The following LONRF2 variants were observed in gnomAD, a reference collection of about 807,000 sequenced individuals.
LONRF2 encodes the protein LON peptidase N-terminal domain and ring finger 2.
LONRF2 carries 35 observed loss-of-function variants against 66.6 expected under a neutral mutation model. That is an observed-to-expected ratio of 0.53 (90% CI 0.40 to 0.70). The LOEUF (loss-of-function observed/expected upper bound fraction) is 0.70, where lower values mean the gene tolerates loss of function less well. LONRF2 is among the 30% of genes least tolerant of loss of function. LONRF2 has a pLI of 0.00. For synonymous variants in LONRF2, 417 were observed against 418.1 expected (o/e 1.00, Z 0.03); for missense variants, 902 against 1,002.1 (o/e 0.90, Z 1.35).
chr2:100,316,614 C>T (rs1021069014), intron 1 of LONRF2, among the ~76,000 whole-genome samples: 1 of 151,712 alleles, frequency 6.6e-6, no homozygotes, highest in African/African-American at 2.4e-5. Flanking sequence ...GCAAACACAA[C>T]CACAGGCCAA....
chr2:100,316,751 G>A, intron 1 of LONRF2, among the ~76,000 whole-genome samples: 1 of 152,076 alleles, frequency 6.6e-6, no homozygotes. Flanking sequence ...TACTTATTTT[G>A]CAATCCTTAC....
rs755346639 is a variant in LONRF2 at position 100,284,289 on chromosome 2, A to G, written c.*9T>C. ...CAAGGGCTGCCAGAAACCTTGACAG[A>G]GAGAAAAATCAATTATTTCTCTCCC... On this transcript the variant is annotated 3_prime_UTR_variant, in exon 12 of 12. Coordinates refer to ENST00000393437, the MANE Select transcript of LONRF2 (RefSeq NM_198461.4). The G allele has an allele frequency of 1.8e-5, 27 of 1,503,974 alleles. No homozygotes were observed. The Admixed American group carries it at 5.2e-4, about 29-fold the overall frequency. 93.2% of individuals were successfully genotyped at this position (1,503,974 alleles called of 1,614,324 possible). A position where few individuals can be genotyped will look rare whatever the true frequency, so the allele number is the denominator to read the frequency against.
intron 8 of LONRF2, 65 bp downstream of exon 8, chr2:100,295,367 T>G: frequency 6.7e-7 from 1 of 1,503,402 alleles, no homozygotes. Context: ...AAATCTGAGG[T>G]GAAGCTGAAG....
intron 1 of LONRF2, among the ~76,000 whole-genome samples, chr2:100,317,348 G>A (rs945604351): frequency 6.6e-6 from 1 of 151,790 alleles, no homozygotes; most frequent in Non-Finnish European, 1.5e-5. Flanking sequence ...ATGCAAACCT[G>A]ATTTAGCAGT....
chr2:100,294,064 G>C (rs1675014062), intron 9 of LONRF2, among the ~76,000 whole-genome samples, 165 bp downstream of exon 9: 1 of 152,202 alleles, frequency 6.6e-6, no homozygotes, highest in Non-Finnish European at 1.5e-5. Context: ...AGTGAGGCTA[G>C]AAAGAAGGGA....
rs370419134 is a variant in LONRF2, at chr2:100,280,790, A to T, written c.*3508T>A. ...AGTGAGACCCCATCTCAAAAAAAAT[A>T]AAAATGGGGATACAGGGACCTCCCT... On this transcript the variant is annotated 3_prime_UTR_variant, in exon 12 of 12. Transcript: ENST00000393437. 4.5e-4 allele frequency: 69 copies of T among 152,252 alleles called. No individual in the cohort carries two copies. The highest frequency in any genetic ancestry group is 1.6e-3 in the African/African-American group (65 of 41,546). The allele number at this position is 152,252 out of a possible 1,614,324, so 9.4% of individuals were successfully genotyped here.
At chr2:100,294,111 T>C in intron 9 of LONRF2, 118 bp downstream of exon 9, 2 of 1,191,980 alleles carry the variant, frequency 1.7e-6, no homozygotes, top group Non-Finnish European at 2.4e-6. Context: ...ACTTGGACTT[T>C]GTTACGTAAC....
Position 100,279,847 on chromosome 2 carries a change from C to G in LONRF2, c.*4451G>C, listed in dbSNP as rs1487566976. ...GTCTTAGCTATTTCCCTGCCCTTTCCTGCAGAACATACAGTAGAGGGTCTG... is the reference window on the plus strand; with the variant it reads ...GTCTTAGCTATTTCCCTGCCCTTTCGTGCAGAACATACAGTAGAGGGTCTG... On this transcript the variant is annotated 3_prime_UTR_variant, in exon 12 of 12. Transcript: ENST00000393437. The G allele has an allele frequency of 6.6e-6, 1 of 152,374 alleles. No homozygotes were observed. Among genetic ancestry groups the G allele is most frequent in the East Asian group, 1.9e-4 (1 of 5,160 alleles). The allele number at this position is 152,374 out of a possible 1,614,324, so 9.4% of individuals were successfully genotyped here. A position where few individuals can be genotyped will look rare whatever the true frequency, so the allele number is the denominator to read the frequency against.
In LONRF2 at chr2:100,290,562, G is replaced by T. The variant is rs955997346; in HGVS notation, c.1758-142C>A. 3.7e-6 allele frequency: 3 copies of T among 802,192 alleles called. No individual in the cohort carries two copies. The Admixed American group carries it at 8.8e-5, about 24-fold the overall frequency. The allele number at this position is 802,192 out of a possible 1,614,324, so 49.7% of individuals were successfully genotyped here. On this transcript the variant is annotated intron_variant, in intron 9 of 11. Transcript: ENST00000393437. ...ACATCAGACCAGCAAGGTTATTGTCGCTAAGAGACACGTGCACATGGTCGC... is the reference window on the plus strand; with the variant it reads ...ACATCAGACCAGCAAGGTTATTGTCTCTAAGAGACACGTGCACATGGTCGC...
In LONRF2 at chr2:100,275,233, C is replaced by T. The variant is rs145606361; in HGVS notation, c.*9065G>A. The T allele has an allele frequency of 6.6e-6, 1 of 152,300 alleles. No homozygotes were observed. The highest frequency in any genetic ancestry group is 2.4e-5 in the African/African-American group (1 of 41,466). 9.4% of individuals were successfully genotyped at this position (152,300 alleles called of 1,614,324 possible). A position where few individuals can be genotyped will look rare whatever the true frequency, so the allele number is the denominator to read the frequency against. On this transcript the variant is annotated 3_prime_UTR_variant, in exon 12 of 12. Coordinates refer to ENST00000393437, the MANE Select transcript of LONRF2 (RefSeq NM_198461.4). Reference sequence around the variant, plus strand: ...GGGTATAATTGTATAATTGGATGCACTGGGTCCCTCTGAATTCCCTACCTG... The same window carrying T: ...GGGTATAATTGTATAATTGGATGCATTGGGTCCCTCTGAATTCCCTACCTG...
intron 8 of LONRF2, 80 bp downstream of exon 8, chr2:100,295,352 A>C: frequency 7.0e-7 from 1 of 1,425,854 alleles, no homozygotes; most frequent in East Asian, 2.5e-5. Context: ...TCTGCCATGA[A>C]AAGAAAATCT....
intron 7 of LONRF2, 35 bp downstream of exon 7, chr2:100,298,801 A>G: frequency 6.7e-7 from 1 of 1,489,798 alleles, no homozygotes; most frequent in East Asian, 2.3e-5. Flanking sequence ...GGATGAGAGG[A>G]GGAGCTGTCC....
At chr2:100,302,108 C>T (rs1675196370) in intron 3 of LONRF2, among the ~76,000 whole-genome samples, 1 of 152,294 alleles carries the variant, frequency 6.6e-6, no homozygotes, top group African/African-American at 2.4e-5. Flanking sequence ...GGTAAAATTT[C>T]ACCAACTGTG....
At chr2:100,293,300 G>A (rs940236563) in intron 9 of LONRF2, among the ~76,000 whole-genome samples, 3 of 152,096 alleles carry the variant, frequency 2.0e-5, no homozygotes, top group Admixed American at 6.5e-5. Context: ...TCTCCATAAA[G>A]GTCCTACACA....
intron 3 of LONRF2, 108 bp downstream of exon 3, chr2:100,302,813 C>A (rs750242765): frequency 5.3e-6 from 6 of 1,129,330 alleles, no homozygotes; most frequent in Non-Finnish European, 5.9e-6. Flanking sequence ...TTATCACGAA[C>A]ATTCAGAATT....
intron 10 of LONRF2, among the ~76,000 whole-genome samples, 169 bp downstream of exon 10, chr2:100,290,089 A>G (rs1181251611): frequency 6.6e-6 from 1 of 151,604 alleles, no homozygotes; most frequent in African/African-American, 2.4e-5. Context: ...CCTGCACGAC[A>G]GAACAAGACC....
At chr2:100,300,905 G>T (rs1675173419) in intron 3 of LONRF2, 118 bp from the exon 4 acceptor site, 1 of 784,194 alleles carries the variant, frequency 1.3e-6, no homozygotes. Flanking sequence ...ATGTTGAAAA[G>T]AATAATTTTA....
chr2:100,305,018 T>C (rs1040760945), intron 2 of LONRF2, among the ~76,000 whole-genome samples: 6 of 152,106 alleles, frequency 3.9e-5, no homozygotes, highest in African/African-American at 1.4e-4. Flanking sequence ...CTGGGAATCA[T>C]CCACTCCGGG....
chr2:100,318,479 A>G (rs1181943975), intron 1 of LONRF2, among the ~76,000 whole-genome samples: 1 of 152,208 alleles, frequency 6.6e-6, no homozygotes, highest in Non-Finnish European at 1.5e-5. Flanking sequence ...TGGGGAAGGT[A>G]TAGAGATAGA....
Sources: gnomAD v4.1 joint callset for allele counts (sites outside exome capture counted in the v4.1 genomes callset) on GRCh38, gnomAD v4.1.1 for gene constraint, MANE v1.5 for transcripts, NCBI Gene and HGNC (gene_info 2026-07-23, HGNC 2026-07-21) for gene names.